The following KDM2B variants were observed in gnomAD, a reference collection of about 807,000 sequenced individuals.
KDM2B encodes lysine-specific demethylase 2B.
A neutral mutation model predicts 150.0 loss-of-function variants in KDM2B; 26 were observed. The observed-to-expected ratio is 0.17, with a 90% CI of 0.13 to 0.24. The LOEUF is 0.24. KDM2B is among the 10% of genes least tolerant of loss of function. The pLI is 1.00. For missense variants in KDM2B, 1,265 were observed against 1,816.9 expected (o/e 0.70, Z 5.52); for synonymous variants, 734 against 729.5 (o/e 1.01, Z -0.10).
intron 8 of KDM2B, among the ~76,000 whole-genome samples, chr12:121,532,508 C>T (rs976765202): frequency 6.6e-6 from 1 of 152,236 alleles, no homozygotes; most frequent in Non-Finnish European, 1.5e-5. Flanking sequence ...GCAAACCCAC[C>T]CCCATTACCC....
intron 12 of KDM2B, among the ~76,000 whole-genome samples, chr12:121,478,092 A>G (rs1400323920): frequency 6.6e-6 from 1 of 151,954 alleles, no homozygotes; most frequent in Admixed American, 6.6e-5. Flanking sequence ...CATGTTGCCC[A>G]GGATGGTCAA....
intron 11 of KDM2B, among the ~76,000 whole-genome samples, chr12:121,498,215 A>T (rs1884173969): frequency 6.6e-6 from 1 of 152,220 alleles, no homozygotes; most frequent in African/African-American, 2.4e-5. Flanking sequence ...TCCCCCCTGC[A>T]TGTGGGCCCC....
intron 13 of KDM2B, among the ~76,000 whole-genome samples, chr12:121,451,581 G>A (rs782565967): frequency 3.9e-5 from 6 of 152,162 alleles, no homozygotes; most frequent in Non-Finnish European, 7.4e-5. Flanking sequence ...GGCAAGAGGT[G>A]AAAGCAATCC....
chr12:121,578,735 G>C (rs576388139), intron 2 of KDM2B, 67 bp downstream of exon 2: 246 of 1,042,072 alleles, frequency 2.4e-4, no homozygotes, highest in Non-Finnish European at 2.1e-4. Flanking sequence ...CCCAGCCACC[G>C]GCAGCTCCCT....
At chr12:121,443,266 C>T in intron 17 of KDM2B, 1 of 594,036 alleles carries the variant, frequency 1.7e-6, no homozygotes, top group Middle Eastern at 4.5e-4. Context: ...ACTGACCTCC[C>T]ACCCCACAGA....
the KDM2B span, among the ~76,000 whole-genome samples, chr12:121,421,451 G>A: frequency 6.7e-6 from 1 of 149,744 alleles, no homozygotes; most frequent in Non-Finnish European, 1.5e-5. Context: ...TACTTGGGAG[G>A]CTGAGGGGGG....
At chr12:121,418,316 G>A in the KDM2B span, 1 of 164,946 alleles carries the variant, frequency 6.1e-6, no homozygotes, top group Admixed American at 6.0e-5. Flanking sequence ...CATTTGTCTT[G>A]CTACAGTGAA....
At chr12:121,460,275 C>A (rs1242278280) in intron 12 of KDM2B, among the ~76,000 whole-genome samples, 1 of 152,228 alleles carries the variant, frequency 6.6e-6, no homozygotes, top group Non-Finnish European at 1.5e-5. Flanking sequence ...AGACATGCAA[C>A]CACATAAATG....
intron 12 of KDM2B, among the ~76,000 whole-genome samples, chr12:121,464,299 T>C (rs1398957808): frequency 6.6e-6 from 1 of 152,190 alleles, no homozygotes; most frequent in Non-Finnish European, 1.5e-5. Context: ...CCTCTTCAAC[T>C]TGGAAAGCAA....
chr12:121,578,257 G>A (rs570464590), intron 2 of KDM2B, among the ~76,000 whole-genome samples: 2 of 152,312 alleles, frequency 1.3e-5, no homozygotes, highest in South Asian at 4.1e-4. Context: ...CAGAGCCCAT[G>A]GGGGAATGCG....
intron 14 of KDM2B, chr12:121,444,969 G>T: frequency 2.3e-6 from 1 of 425,798 alleles, no homozygotes; most frequent in Non-Finnish European, 4.3e-6. Context: ...CCACCTGGAG[G>T]CGCTTCCTCT....
Position 121,549,520 on chromosome 12 carries a change from G to A in KDM2B, c.516C>T (p.Asn172=), listed in dbSNP as rs377730042. The A allele has an allele frequency of 2.8e-5, 45 of 1,613,402 alleles. No homozygotes were observed. Among genetic ancestry groups the A allele is most frequent in the African/African-American group, 9.3e-5 (7 of 74,878 alleles). The change falls in exon 5 of 23, where the codon AAC becomes AAT. Residue 172 remains asparagine (N), a synonymous_variant. Coordinates refer to ENST00000377071, the MANE Select transcript of KDM2B (RefSeq NM_032590.5). This position sits in a 1 kb window ranked among gnomAD's most constrained non-coding sequence, Gnocchi z 4.4. ...TGTGGCTGAACTCTAGGCTGATGAC[G>A]TTGTACAGCTTGTCCCGCTGGGCCT... is the stretch of plus-strand genomic sequence containing the variant. The part of the protein sequence containing the change: ...TPEAQRDKLY[N]VISLEFSHTK...
At chr12:121,505,055 T>C (rs534850158) in intron 11 of KDM2B, among the ~76,000 whole-genome samples, 2 of 148,554 alleles carry the variant, frequency 1.3e-5, no homozygotes, top group East Asian at 2.0e-4. Flanking sequence ...AGGCAGAGCT[T>C]GCAGTGAGCC....
At chr12:121,421,375 A>AAAC in the KDM2B span, among the ~76,000 whole-genome samples, 14 of 126,924 alleles carry the variant, frequency 1.1e-4, no homozygotes, top group South Asian at 3.5e-3. Context: ...CATCTCTAAA[A>AAAC]AAAAAAAAAA....
At chr12:121,413,822 G>A in the KDM2B span, among the ~76,000 whole-genome samples, 5 of 151,692 alleles carry the variant, frequency 3.3e-5, no homozygotes, top group African/African-American at 9.7e-5. Flanking sequence ...TGATCCACCC[G>A]CCTCAGCCTC....
downstream of KDM2B, chr12:121,424,316 T>G (rs1202550238): frequency 6.5e-6 from 1 of 152,708 alleles, no homozygotes; most frequent in Non-Finnish European, 1.5e-5. Flanking sequence ...GCTAGCTGAT[T>G]TTAACTTTAG....
At chr12:121,441,011 G>A in intron 20 of KDM2B, 34 bp from the exon 21 acceptor site, 1 of 1,612,552 alleles carries the variant, frequency 6.2e-7, no homozygotes, top group Non-Finnish European at 8.5e-7. Context: ...AAGGTCAGGG[G>A]ATGTGTCCCC....
At chr12:121,475,046 G>A (rs1881195286) in intron 12 of KDM2B, among the ~76,000 whole-genome samples, 1 of 152,126 alleles carries the variant, frequency 6.6e-6, no homozygotes, top group Non-Finnish European at 1.5e-5. Flanking sequence ...TGCAGCCCAG[G>A]AGCAACAGGC....
chr12:121,527,951 G>A (rs1197892406), intron 8 of KDM2B, among the ~76,000 whole-genome samples: 1 of 152,170 alleles, frequency 6.6e-6, no homozygotes. Context: ...GACATCACCT[G>A]GTTCACCCCA....
Sources: gnomAD v4.1 joint callset for allele counts (sites outside exome capture counted in the v4.1 genomes callset) on GRCh38, gnomAD v4.1.1 for gene constraint, Gnocchi (gnomAD v3.1) non-coding constraint, MANE v1.5 for transcripts, NCBI Gene and HGNC (gene_info 2026-07-23, HGNC 2026-07-21) for gene names.